Variants in WWC1 observed in about 807,000 individuals in gnomAD.
WWC1 encodes the protein WW and C2 domain containing 1.
In WWC1, 55 loss-of-function variants were observed where a neutral mutation model predicts 138.4. That is an observed-to-expected ratio of 0.40 (90% confidence interval 0.32 to 0.50). WWC1 has a LOEUF of 0.50. WWC1 is among the 20% of genes least tolerant of loss of function. The probability of loss-of-function intolerance (pLI) is 0.72; values close to 1 mark genes in which losing one functional copy is unlikely to be tolerated. For synonymous variants in WWC1, 524 were observed against 564.9 expected (o/e 0.93, Z 1.03); for missense variants, 1,226 against 1,420.4 (o/e 0.86, Z 2.20).
rs1424985390 is a variant in WWC1 at position 168,291,706 on chromosome 5, C to G, written c.-447C>G. The G allele has an allele frequency of 1.3e-5, 2 of 153,058 alleles. No homozygotes were observed. The highest frequency in any genetic ancestry group is 3.9e-4 in the East Asian group (2 of 5,158). The allele number at this position is 153,058 out of a possible 1,614,324, so 9.5% of individuals were successfully genotyped here. ...CCGCACCTGGCGGAGGCAGAAGTCACAAACCCGGCGAGCTCAGAGCGGTGG... is the reference window on the plus strand; with the variant it reads ...CCGCACCTGGCGGAGGCAGAAGTCAGAAACCCGGCGAGCTCAGAGCGGTGG... On this transcript the variant is annotated 5_prime_UTR_variant, in exon 1 of 23. Transcript: ENST00000265293.
chr5:168,376,735 G>GAT (rs1746642055), intron 2 of WWC1, among the ~76,000 whole-genome samples: 1 of 151,958 alleles, frequency 6.6e-6, no homozygotes. Context: ...GGAGGTGAAA[G>GAT]ATATATACAA....
intron 2 of WWC1, among the ~76,000 whole-genome samples, chr5:168,375,317 C>T (rs1198350406): frequency 6.6e-6 from 1 of 151,944 alleles, no homozygotes; most frequent in African/African-American, 2.4e-5. Context: ...GGAGGGAAAC[C>T]GAGTGTGTTG....
chr5:168,445,893 A>G (rs1755214665), intron 17 of WWC1, among the ~76,000 whole-genome samples: 1 of 152,044 alleles, frequency 6.6e-6, no homozygotes, highest in Admixed American at 6.6e-5. Context: ...GCAGGTAACC[A>G]TCAGGAAAGA....
At chr5:168,426,833 G>A (rs1297814779) in intron 11 of WWC1, among the ~76,000 whole-genome samples, 1 of 152,266 alleles carries the variant, frequency 6.6e-6, no homozygotes, top group African/African-American at 2.4e-5. Flanking sequence ...GGTGTTAGCT[G>A]TGAGGTTGTA....
intron 1 of WWC1, among the ~76,000 whole-genome samples, chr5:168,305,277 A>G (rs1200180695): frequency 2.0e-5 from 3 of 152,056 alleles, no homozygotes; most frequent in East Asian, 1.9e-4. Flanking sequence ...CAACTTAGGA[A>G]CATTTTTAAT....
At chr5:168,364,075 A>G (rs1310632956) in intron 1 of WWC1, among the ~76,000 whole-genome samples, 1 of 152,104 alleles carries the variant, frequency 6.6e-6, no homozygotes, top group Non-Finnish European at 1.5e-5. Context: ...TCCCGGCACT[A>G]GATACTGTAT....
intron 19 of WWC1, among the ~76,000 whole-genome samples, chr5:168,455,921 C>A (rs1210325856): frequency 6.6e-6 from 1 of 151,912 alleles, no homozygotes; most frequent in Non-Finnish European, 1.5e-5. Flanking sequence ...GATCTGGTAC[C>A]AGTTTGTTTT....
intron 1 of WWC1, among the ~76,000 whole-genome samples, chr5:168,341,912 G>A (rs918915204): frequency 2.6e-5 from 4 of 152,138 alleles, no homozygotes; most frequent in African/African-American, 9.7e-5. Flanking sequence ...CGAGAGCATT[G>A]GTAGCTAATT....
intron 2 of WWC1, 55 bp from the exon 3 acceptor site, chr5:168,385,156 C>A: frequency 1.9e-6 from 3 of 1,592,098 alleles, no homozygotes; most frequent in Non-Finnish European, 1.7e-6. Context: ...CACAGGCCAC[C>A]AGCCCAACAG....
chr5:168,459,269 A>AG (rs1377358973), intron 19 of WWC1, among the ~76,000 whole-genome samples: 28 of 151,176 alleles, frequency 1.9e-4, no homozygotes, highest in Non-Finnish European at 3.1e-4. Flanking sequence ...AAAAAAAAAA[A>AG]AAAAAGAAAG....
chr5:168,454,181 C>G (rs898943958), intron 18 of WWC1, 81 bp downstream of exon 18: 1 of 1,557,310 alleles, frequency 6.4e-7, no homozygotes, highest in African/African-American at 1.4e-5. Flanking sequence ...AGAAAAGACT[C>G]AGAGCTAAGT....
At chr5:168,340,769 C>T (rs1016804006) in intron 1 of WWC1, among the ~76,000 whole-genome samples, 2 of 152,142 alleles carry the variant, frequency 1.3e-5, no homozygotes, top group Non-Finnish European at 2.9e-5. Context: ...CACTTTTTGG[C>T]TATTATGAAT....
intron 15 of WWC1, among the ~76,000 whole-genome samples, chr5:168,440,012 C>T (rs1462673398): frequency 6.6e-6 from 1 of 152,150 alleles, no homozygotes; most frequent in African/African-American, 2.4e-5. Flanking sequence ...AGAGTGCTGG[C>T]TCCCAGAAGG....
At chr5:168,333,173 C>A (rs2152768743) in intron 1 of WWC1, among the ~76,000 whole-genome samples, 1 of 152,298 alleles carries the variant, frequency 6.6e-6, no homozygotes, top group Middle Eastern at 3.4e-3. Context: ...TGTAGGGGAC[C>A]AAGGACTCCA....
intron 2 of WWC1, among the ~76,000 whole-genome samples, chr5:168,373,282 G>T (rs917684353): frequency 3.9e-5 from 6 of 152,102 alleles, no homozygotes; most frequent in Non-Finnish European, 8.8e-5. Context: ...TTGGAAAAAT[G>T]GAAGAAAGTA....
chr5:168,322,968 T>A (rs1420497857), intron 1 of WWC1, among the ~76,000 whole-genome samples: 1 of 152,222 alleles, frequency 6.6e-6, no homozygotes, highest in Non-Finnish European at 1.5e-5. Flanking sequence ...ATATTGACAG[T>A]GTCCAGCCAA....
rs10527141 is a variant in WWC1, at chr5:168,465,548, CTTTTTTT to C, written c.3150+608_3150+614del. Among the ~76,000 whole-genome samples the C allele has an allele frequency of 3.8e-4, 18 of 46,932 alleles. 3 individuals carry two copies. The highest frequency in any genetic ancestry group is 1.0e-3 in the African/African-American group (12 of 11,916). 30.8% of individuals were successfully genotyped at this position (46,932 alleles called of 152,430 possible). On this transcript the variant is annotated intron_variant, in intron 21 of 22. Transcript: ENST00000265293. Reference sequence around the variant, plus strand: ...CACACAAAGTTTTATATCAGCTGGGCTTTTTTTTTTTTTTTTTTTTTTTTTTTTGGAG... The same window carrying C: ...CACACAAAGTTTTATATCAGCTGGGCTTTTTTTTTTTTTTTTTTTTTGGAG...
rs1005200050 is a variant in WWC1 at position 168,292,094 on chromosome 5, C to T, written c.-59C>T. 31 of 1,462,174 alleles carry T rather than the reference C, an allele frequency of 2.1e-5. No homozygotes were observed. The highest frequency in any genetic ancestry group is 2.7e-5 in the Non-Finnish European group (30 of 1,109,950). 90.6% of individuals were successfully genotyped at this position (1,462,174 alleles called of 1,614,324 possible). A position where few individuals can be genotyped will look rare whatever the true frequency, so the allele number is the denominator to read the frequency against. ...CGGGCTAAGAGCGGCCGGCTGGAGC[C>T]GCTGAGCCCCCGCTGCGGCCGGGAG... is the stretch of plus-strand genomic sequence containing the variant. On this transcript the variant is annotated 5_prime_UTR_variant, in exon 1 of 23. Transcript: ENST00000265293. The surrounding 1 kb of genome is among the most constrained non-coding windows in gnomAD (Gnocchi z 4.4).
chr5:168,468,071 G>A, intron 22 of WWC1, 107 bp downstream of exon 22: 2 of 1,527,372 alleles, frequency 1.3e-6, no homozygotes, highest in South Asian at 1.3e-5. Context: ...CAGAGCACTG[G>A]CTTTCCCTGT....
Sources: allele counts gnomAD v4.1 joint callset (sites outside exome capture counted in the v4.1 genomes callset), GRCh38; gene constraint gnomAD v4.1.1; non-coding constraint Gnocchi (gnomAD v3.1); transcripts MANE v1.5; gene names NCBI Gene and HGNC (gene_info 2026-07-23, HGNC 2026-07-21).